AK7: variants seen among roughly 807,000 people sequenced by gnomAD.
AK7 encodes adenylate kinase 7, also known as ATP-AMP transphosphorylase 7.
AK7 carries 78 observed loss-of-function variants against 96.6 expected under a neutral mutation model. The ratio of observed to expected loss-of-function variants is 0.81; its 90% CI spans 0.67 to 0.97. The LOEUF is 0.97. Among genes scored for constraint, AK7 ranks in the 50% least tolerant of loss-of-function variants. The pLI is 0.00. For synonymous variants in AK7, 302 were observed against 317.2 expected (o/e 0.95, Z 0.51); for missense variants, 855 against 887.9 (o/e 0.96, Z 0.47).
rs772575963 is a variant in AK7 at position 96,456,347 on chromosome 14, C to T, written c.1099C>T (p.Pro367Ser). ...KEYKQSRGLM[P>S]IKICILGPPA... ...TGTTCCTTACTCTCTCCTCTTTCAG[C>T]CAATCAAGATCTGCATTCTTGGTCC... Residue 367 changes from proline to serine, a missense_variant and splice_region_variant, in exon 11 of 18, where the codon CCA (proline) becomes TCA (serine). Coordinates refer to ENST00000267584, the MANE Select transcript of AK7 (RefSeq NM_152327.5). The T allele has an allele frequency of 1.2e-6, 2 of 1,608,044 alleles. No homozygotes were observed. The highest frequency in any genetic ancestry group is 2.7e-5 in the African/African-American group (2 of 74,640).
At chr14:96,404,947 G>C in intron 3 of AK7, 82 bp downstream of exon 3, 1 of 933,774 alleles carries the variant, frequency 1.1e-6, no homozygotes, top group Non-Finnish European at 1.6e-6. Context: ...AGGAACACTA[G>C]ACAAAGTAGG....
chr14:96,434,088 GC>G (rs1193285335), intron 5 of AK7, among the ~76,000 whole-genome samples: 1 of 152,182 alleles, frequency 6.6e-6, no homozygotes, highest in Non-Finnish European at 1.5e-5. Flanking sequence ...GTGAGGTCAT[GC>G]TTTCCCGGTT....
intron 16 of AK7, among the ~76,000 whole-genome samples, chr14:96,486,369 A>G (rs1002171378): frequency 2.0e-4 from 31 of 152,208 alleles, no homozygotes; most frequent in Non-Finnish European, 4.4e-4. Context: ...ATTATTAGTC[A>G]TGTATTTGTA....
chr14:96,427,619 T>C (rs912331231), intron 5 of AK7, among the ~76,000 whole-genome samples: 9 of 152,250 alleles, frequency 5.9e-5, no homozygotes, highest in Non-Finnish European at 1.3e-4. Context: ...ATCTGCATAC[T>C]GTTCTGTAAC....
At chr14:96,480,489 C>CA (rs1895449548) in intron 15 of AK7, among the ~76,000 whole-genome samples, 1 of 152,028 alleles carries the variant, frequency 6.6e-6, no homozygotes, top group African/African-American at 2.4e-5. Flanking sequence ...CTTGTCTGCA[C>CA]CCTCAGAGCA....
At chr14:96,428,434 G>A (rs1460252256) in intron 5 of AK7, among the ~76,000 whole-genome samples, 1 of 152,160 alleles carries the variant, frequency 6.6e-6, no homozygotes, top group African/African-American at 2.4e-5. Flanking sequence ...ATGTGTGCAT[G>A]TGTCTTTATA....
chr14:96,454,452 T>A (rs944118376), intron 10 of AK7, among the ~76,000 whole-genome samples: 3 of 151,968 alleles, frequency 2.0e-5, no homozygotes, highest in Non-Finnish European at 2.9e-5. Flanking sequence ...TTTTTTTTTT[T>A]AATGAGTATG....
Position 96,478,617 on chromosome 14 carries a change from G to A in AK7, c.1708G>A (p.Val570Ile), listed in dbSNP as rs1219042272. The change falls in exon 15 of 18, where the codon GTC becomes ATC. Residue 570 changes from valine (V) to isoleucine (I), a missense_variant. Transcript: ENST00000267584. Reference sequence around the variant, plus strand: ...GGACATCAATATCGACGATGAGACTGTCTTCAACTATTTTGATGAACTTGA... The same window carrying A: ...GGACATCAATATCGACGATGAGACTATCTTCAACTATTTTGATGAACTTGA... The part of the protein sequence containing the change: ...YRDINIDDET[V>I]FNYFDELEIH... 1.2e-6 allele frequency: 2 copies of A among 1,614,150 alleles called. No homozygotes were observed. The highest frequency in any genetic ancestry group is 2.2e-5 in the East Asian group (1 of 44,878).
At chr14:96,477,475 A>T (rs916501380) in intron 14 of AK7, among the ~76,000 whole-genome samples, 4 of 152,264 alleles carry the variant, frequency 2.6e-5, no homozygotes, top group African/African-American at 9.6e-5. Flanking sequence ...GCACCCAGAC[A>T]CTGATCTGGG....
At chr14:96,415,825 T>TA (rs1161602165) in intron 4 of AK7, among the ~76,000 whole-genome samples, 27 of 150,622 alleles carry the variant, frequency 1.8e-4, no homozygotes, top group African/African-American at 4.1e-4. Flanking sequence ...ATTAATTAAA[T>TA]AATTAAGGTA....
intron 11 of AK7, among the ~76,000 whole-genome samples, chr14:96,457,371 T>G (rs1893989312): frequency 6.6e-6 from 1 of 152,172 alleles, no homozygotes; most frequent in Admixed American, 6.6e-5. Flanking sequence ...TGAAATGGCT[T>G]GTAACTACTT....
At chr14:96,456,677 C>T (rs1388067543) in intron 11 of AK7, 3 of 474,284 alleles carry the variant, frequency 6.3e-6, no homozygotes, top group Admixed American at 3.4e-5. Context: ...AGAGTGTTGA[C>T]CTTGGCCACA....
At chr14:96,458,960 C>CAA (rs140583147) in intron 12 of AK7, among the ~76,000 whole-genome samples, 11 of 128,286 alleles carry the variant, frequency 8.6e-5, no homozygotes, top group South Asian at 5.0e-4. Flanking sequence ...GAAATTATAA[C>CAA]AAAAAAAAAA....
intron 5 of AK7, among the ~76,000 whole-genome samples, chr14:96,431,562 C>A (rs142920443): frequency 6.6e-6 from 1 of 151,618 alleles, no homozygotes. Flanking sequence ...CCATGTTATG[C>A]GGTTTTGAGT....
chr14:96,399,283 G>C lies in AK7; in HGVS notation c.294+1020G>C, dbSNP rs1023508337. The stretch of plus-strand genomic sequence containing the variant: ...CACAAAGTGGCCTCAATAAACACTT[G>C]TGGAATGGACGAATGCATCCCCTCC... On this transcript the variant is annotated intron_variant, in intron 2 of 17. Transcript: ENST00000267584. This position sits in a 1 kb window ranked among gnomAD's most constrained non-coding sequence, Gnocchi z 4.1. 6.6e-6 allele frequency: 1 copy of C among 152,200 alleles called. No homozygotes were observed. Among genetic ancestry groups the C allele is most frequent in the Non-Finnish European group, 1.5e-5 (1 of 68,070 alleles). 9.4% of individuals were successfully genotyped at this position (152,200 alleles called of 1,614,324 possible).
chr14:96,412,973 T>TAAGCTCTGTCACTATGAAAAATGTCC (rs1891127014), intron 4 of AK7, among the ~76,000 whole-genome samples: 1 of 152,212 alleles, frequency 6.6e-6, no homozygotes, highest in African/African-American at 2.4e-5. Flanking sequence ...TTATAAAAGA[T>TAAGCTCTGTCACTATGAAAAATGTCC]AAGCTCTGTC....
At chr14:96,450,307 T>C (rs887900564) in intron 9 of AK7, among the ~76,000 whole-genome samples, 1 of 151,766 alleles carries the variant, frequency 6.6e-6, no homozygotes, top group Admixed American at 6.6e-5. Flanking sequence ...TCCCAGTTAC[T>C]TGGGAGGCTG....
intron 1 of AK7, among the ~76,000 whole-genome samples, chr14:96,395,687 A>C (rs997209570): frequency 2.9e-5 from 4 of 137,140 alleles, no homozygotes; most frequent in African/African-American, 1.1e-4. Context: ...CCTGGGAGGT[A>C]TACATAGGGC....
intron 15 of AK7, among the ~76,000 whole-genome samples, chr14:96,479,163 G>A (rs112082493): frequency 0.18 from 27,646 of 151,374 alleles, 2,604 homozygotes; most frequent in African/African-American, 0.25. Flanking sequence ...TGCAAACTCC[G>A]CCTCCCGGGT....
Sources: allele counts gnomAD v4.1 joint callset (sites outside exome capture counted in the v4.1 genomes callset), GRCh38; gene constraint gnomAD v4.1.1; non-coding constraint Gnocchi (gnomAD v3.1); transcripts MANE v1.5; gene names NCBI Gene and HGNC (gene_info 2026-07-23, HGNC 2026-07-21).